The following ZNF268 variants were observed in gnomAD, a reference collection of about 807,000 sequenced individuals.
ZNF268 encodes zinc finger protein 3.
Under a neutral mutation model 29.3 loss-of-function variants are expected in ZNF268, and 20 were observed. The ratio of observed to expected loss-of-function variants is 0.68; its 90% CI spans 0.48 to 0.99. The LOEUF is 0.99. Ranked by LOEUF, ZNF268 falls within the 50% of genes least tolerant of loss-of-function variation. The pLI is 0.00. For missense variants in ZNF268, 1,240 were observed against 1,121.6 expected (o/e 1.11, Z -1.51); for synonymous variants, 429 against 376.9 (o/e 1.14, Z -1.60).
chr12:133,199,227 T>G (rs1956691232), intron 5 of ZNF268, among the ~76,000 whole-genome samples: 1 of 152,220 alleles, frequency 6.6e-6, no homozygotes, highest in African/African-American at 2.4e-5. Flanking sequence ...CCTAATTTAT[T>G]GAGAGTTTTT....
Position 133,204,271 on chromosome 12 carries a change from A to G in ZNF268, c.2585A>G (p.Lys862Arg), listed in dbSNP as rs771362264. 2.6e-6 allele frequency: 4 copies of G among 1,550,858 alleles called. No individual in the cohort carries two copies. Among genetic ancestry groups the G allele is most frequent in the Non-Finnish European group, 3.5e-6 (4 of 1,151,588 alleles). ...LVHQRMHTRE[K>R]PYECSECGKA... ...CACCAGAGAATGCACACAAGAGAGA[A>G]ACCATATGAATGCAGTGAGTGTGGA... Residue 862 changes from lysine (K) to arginine (R), a missense_variant, in exon 6 of 6, where the codon AAA becomes AGA. By Grantham distance (26) the Lys-to-Arg change is conservative. This residue lies in a region of ZNF268 where 1,177 missense variants were observed against 1,039.6 expected (regional missense o/e 1.13). Coordinates refer to ENST00000536435, the MANE Select transcript of ZNF268 (RefSeq NM_003415.3).
In ZNF268 at chr12:133,208,398, AGGCAGAAGAATTGCTTGAACCTAGGAGGT is replaced by A. The variant is rs1956936893; in HGVS notation, c.*3874_*3902del. ...GTAATCCCATCTACTCGGGAGGCTG[AGGCAGAAGAATTGCTTGAACCTAGGAGGT>A]GGCAGTTGCAGTGAGCCAAGATTGC... is the stretch of plus-strand genomic sequence containing the variant. On this transcript the variant is annotated 3_prime_UTR_variant, in exon 6 of 6. Transcript: ENST00000536435. 6.6e-6 allele frequency: 1 copy of A among 152,294 alleles called. No individual in the cohort carries two copies. Among genetic ancestry groups the A allele is most frequent in the Non-Finnish European group, 1.5e-5 (1 of 68,144 alleles). 9.4% of individuals were successfully genotyped at this position (152,294 alleles called of 1,614,324 possible).
Position 133,202,796 on chromosome 12 carries a change from T to G in ZNF268, c.1110T>G (p.Ser370Arg). Residue 370 changes from serine (S) to arginine (R), a missense_variant, in exon 6 of 6, where the codon AGT becomes AGG. Transcript: ENST00000536435. ...YECCECGKVF[S>R]RKDQLVSHQK... Reference sequence around the variant, plus strand: ...GCTGTGAATGTGGGAAAGTCTTCAGTAGGAAAGACCAGCTTGTTTCACACC... The same window carrying G: ...GCTGTGAATGTGGGAAAGTCTTCAGGAGGAAAGACCAGCTTGTTTCACACC... 6.2e-7 allele frequency: 1 copy of G among 1,608,858 alleles called. No homozygotes were observed. The highest frequency in any genetic ancestry group is 1.1e-5 in the South Asian group (1 of 90,774).
Position 133,203,987 on chromosome 12 carries a change from C to T in ZNF268, c.2301C>T (p.Leu767=). The T allele has an allele frequency of 6.3e-7, 1 of 1,586,558 alleles. No homozygotes were observed. The highest frequency in any genetic ancestry group is 8.6e-7 in the Non-Finnish European group (1 of 1,168,764). The change falls in exon 6 of 6, where the codon CTC becomes CTT. Residue 767 remains leucine (L), a synonymous_variant. Transcript: ENST00000536435. ...AAGCCTTTAATAGGAAAGACCAGCT[C>T]ATTTCACATCAGCGAACTCATGCAG... is the stretch of plus-strand genomic sequence containing the variant. The part of the protein sequence containing the change: ...CGKAFNRKDQ[L]ISHQRTHAGE...
intron 3 of ZNF268, among the ~76,000 whole-genome samples, chr12:133,189,576 A>G (rs1015842654): frequency 2.0e-5 from 3 of 152,108 alleles, no homozygotes; most frequent in Non-Finnish European, 4.4e-5. Context: ...GCCAACTTTT[A>G]TGTATTGACC....
In ZNF268 at chr12:133,202,528, G is replaced by A; in HGVS notation, c.842G>A (p.Cys281Tyr). Residue 281 changes from cysteine (C) to tyrosine (Y), a missense_variant, in exon 6 of 6, where the codon TGT becomes TAT. By Grantham distance (194) the Cys-to-Tyr change is radical. This residue lies in a region of ZNF268 where 1,177 missense variants were observed against 1,039.6 expected (regional missense o/e 1.13). Coordinates refer to ENST00000536435, the MANE Select transcript of ZNF268 (RefSeq NM_003415.3). ...MGEKPFGCSC[C>Y]EKAFSSKSYL... ...GAAAAACCCTTTGGATGCAGCTGTT[G>A]TGAGAAAGCCTTCAGCAGCAAGTCA... 6.2e-7 allele frequency: 1 copy of A among 1,612,090 alleles called. No homozygotes were observed. Among genetic ancestry groups the A allele is most frequent in the South Asian group, 1.1e-5 (1 of 90,814 alleles).
rs1217197155 is a variant in ZNF268, at chr12:133,202,658, AATTC to A, written c.975_978del (p.His326GlnfsTer73). 6.2e-7 allele frequency: 1 copy of A among 1,606,672 alleles called. No individual in the cohort carries two copies. The highest frequency in any genetic ancestry group is 1.7e-5 in the Admixed American group (1 of 58,506). ...AATCATACCTCATTGTACATCAGAGAATTCATACAGGAGAGAAACTACATGAATG... is the reference window on the plus strand; with the variant it reads ...AATCATACCTCATTGTACATCAGAGAATACAGGAGAGAAACTACATGAATG... On this transcript the variant is annotated frameshift_variant, in exon 6 of 6. Transcript: ENST00000536435. LOFTEE classifies it low-confidence loss of function (END_TRUNC).
In ZNF268 at chr12:133,188,051, G is replaced by T; in HGVS notation, c.213G>T (p.Gln71His). 1 of 1,591,084 alleles carries T rather than the reference G, an allele frequency of 6.3e-7. No individual in the cohort carries two copies. Among genetic ancestry groups the T allele is most frequent in the Non-Finnish European group, 8.6e-7 (1 of 1,168,566 alleles). ...AGTGGCTGTTTATTTCCCAAGAGCA[G>T]CCAAAAATCACCAAGTCCTGGGTGA... The part of the protein sequence containing the change: ...VLEWLFISQE[Q>H]PKITKSWGPL... The change falls in exon 3 of 6, where the codon CAG becomes CAT. Residue 71 changes from glutamine (Q) to histidine (H), a missense_variant. Coordinates refer to ENST00000536435, the MANE Select transcript of ZNF268 (RefSeq NM_003415.3).
chr12:133,196,741 CCTT>C (rs759137712), intron 5 of ZNF268, among the ~76,000 whole-genome samples: 273 of 152,304 alleles, frequency 1.8e-3, no homozygotes, highest in Non-Finnish European at 3.5e-3. Context: ...TAATATCACT[CCTT>C]CTCAAACCAT....
rs866859562 is a variant in ZNF268 at position 133,202,535 on chromosome 12, A to T, written c.849A>T (p.Lys283Asn). The T allele has an allele frequency of 3.1e-6, 5 of 1,611,748 alleles. No homozygotes were observed. In the Middle Eastern group the frequency reaches 8.3e-4, roughly 266 times the overall value. The change falls in exon 6 of 6, where the codon AAA (lysine) becomes AAT (asparagine). Residue 283 changes from lysine to asparagine, a missense_variant. Around this residue, in one of 3 missense-constraint regions of ZNF268, gnomAD observed 1,177 missense variants for 1,039.6 expected, o/e 1.13. Coordinates refer to ENST00000536435, the MANE Select transcript of ZNF268 (RefSeq NM_003415.3). ...EKPFGCSCCEKAFSSKSYLLV... is the reference protein window; with the variant it reads ...EKPFGCSCCENAFSSKSYLLV... ...CCTTTGGATGCAGCTGTTGTGAGAA[A>T]GCCTTCAGCAGCAAGTCATACCTTC...
chr12:133,193,254 G>T (rs920321043), intron 5 of ZNF268, among the ~76,000 whole-genome samples: 4 of 152,132 alleles, frequency 2.6e-5, no homozygotes, highest in African/African-American at 9.7e-5. Context: ...GATTGCTTGA[G>T]CCCATGAATT....
rs533683265 is a variant in ZNF268 at position 133,212,024 on chromosome 12, A to G, written c.*7494A>G. ...AACTAGGCTGGGGTACATCCATGCAATGGAGTCCTGTTCAGCAAGAGCAAG... is the reference window on the plus strand; with the variant it reads ...AACTAGGCTGGGGTACATCCATGCAGTGGAGTCCTGTTCAGCAAGAGCAAG... On this transcript the variant is annotated 3_prime_UTR_variant, in exon 6 of 6. Transcript: ENST00000536435. 2.6e-5 allele frequency: 4 copies of G among 152,336 alleles called. No homozygotes were observed. Among genetic ancestry groups the G allele is most frequent in the South Asian group, 2.1e-4 (1 of 4,824 alleles). 9.4% of individuals were successfully genotyped at this position (152,336 alleles called of 1,614,324 possible).
Position 133,204,112 on chromosome 12 carries a change from A to G in ZNF268, c.2426A>G (p.Glu809Gly). Residue 809 changes from glutamate (E) to glycine (G), a missense_variant, in exon 6 of 6, where the codon GAA becomes GGA. By Grantham distance (98) the Glu-to-Gly change is moderately conservative. Coordinates refer to ENST00000536435, the MANE Select transcript of ZNF268 (RefSeq NM_003415.3). ...MRTHSGEKPY[E>G]CNECGKAFIW... ...ACTCATTCAGGTGAAAAACCATATG[A>G]ATGTAATGAATGTGGGAAAGCCTTC... The G allele has an allele frequency of 6.5e-7, 1 of 1,545,276 alleles. No homozygotes were observed. The highest frequency in any genetic ancestry group is 8.7e-7 in the Non-Finnish European group (1 of 1,147,944).
At position 133,202,556 on chromosome 12, in the gene ZNF268, C is replaced by A; in HGVS notation, c.870C>A (p.Tyr290Ter). Residue 290 changes from tyrosine to a stop codon, truncating the protein, a stop_gained, in exon 6 of 6, where the codon TAC (tyrosine) becomes TAA (stop). Coordinates refer to ENST00000536435, the MANE Select transcript of ZNF268 (RefSeq NM_003415.3). LOFTEE classifies it low-confidence loss of function (END_TRUNC). ...CCEKAFSSKS[Y>*]LLVHQQTHAE... ...AGAAAGCCTTCAGCAGCAAGTCATA[C>A]CTTCTAGTGCATCAGCAAACTCATG... The A allele has an allele frequency of 6.2e-7, 1 of 1,610,730 alleles. No individual in the cohort carries two copies. The highest frequency in any genetic ancestry group is 8.5e-7 in the Non-Finnish European group (1 of 1,178,282).
chr12:133,197,113 T>C (rs926080602), intron 5 of ZNF268, among the ~76,000 whole-genome samples: 3 of 151,584 alleles, frequency 2.0e-5, no homozygotes, highest in Non-Finnish European at 2.9e-5. Context: ...TGTGTACATG[T>C]GCCATGCTAG....
At chr12:133,200,659 CCTTAGT>C (rs1956731679) in intron 5 of ZNF268, among the ~76,000 whole-genome samples, 1 of 151,976 alleles carries the variant, frequency 6.6e-6, no homozygotes, top group Non-Finnish European at 1.5e-5. Flanking sequence ...AGGACTTGAT[CCTTAGT>C]CTTATTTCCT....
chr12:133,205,247 T>G lies in ZNF268; in HGVS notation c.*717T>G, dbSNP rs1378396246. 2 of 151,384 alleles carry G rather than the reference T, an allele frequency of 1.3e-5. No individual in the cohort carries two copies. Among genetic ancestry groups the G allele is most frequent in the East Asian group, 1.9e-4 (1 of 5,202 alleles). The allele number at this position is 151,384 out of a possible 1,614,324, so 9.4% of individuals were successfully genotyped here. A position where few individuals can be genotyped will look rare whatever the true frequency, so the allele number is the denominator to read the frequency against. Reference sequence around the variant, plus strand: ...TAGGAATCATTTTAAGAAATTTTATTCCAGGTGTTCCAAAATTTCAGGAAA... The same window carrying G: ...TAGGAATCATTTTAAGAAATTTTATGCCAGGTGTTCCAAAATTTCAGGAAA... On this transcript the variant is annotated 3_prime_UTR_variant, in exon 6 of 6. Transcript: ENST00000536435.
chr12:133,189,025 A>T (rs1366968634), intron 3 of ZNF268, among the ~76,000 whole-genome samples: 1 of 151,608 alleles, frequency 6.6e-6, no homozygotes, highest in East Asian at 1.9e-4. Context: ...TCACTTTTCG[A>T]TTTACAGTGC....
chr12:133,194,149 TATTA>T (rs562856388), intron 5 of ZNF268, among the ~76,000 whole-genome samples: 1 of 152,338 alleles, frequency 6.6e-6, no homozygotes, highest in African/African-American at 2.4e-5. Flanking sequence ...ACTCTTTTTA[TATTA>T]ATTCATCTTC....
Sources: allele counts gnomAD v4.1 joint callset (sites outside exome capture counted in the v4.1 genomes callset), GRCh38; gene constraint gnomAD v4.1.1; regional missense constraint gnomAD v4.1.1; transcripts MANE v1.5; gene names NCBI Gene and HGNC (gene_info 2026-07-23, HGNC 2026-07-21).